ATG7: variants seen among roughly 807,000 people sequenced by gnomAD.
The protein encoded by ATG7 is autophagy related 7, also known as ubiquitin-like modifier-activating enzyme ATG7.
A neutral mutation model predicts 82.4 loss-of-function variants in ATG7; 70 were observed. The ratio of observed to expected loss-of-function variants is 0.85; its 90% CI spans 0.70 to 1.04. ATG7 has a LOEUF of 1.04. Among genes scored for constraint, ATG7 ranks in the 50% least tolerant of loss-of-function variants. The pLI, the probability that ATG7 is intolerant of heterozygous loss-of-function variation, is 0.00. For missense variants in ATG7, 792 were observed against 864.3 expected (o/e 0.92, Z 1.05); for synonymous variants, 287 against 313.0 (o/e 0.92, Z 0.88).
chr3:11,299,377 T>C lies in ATG7; in HGVS notation c.176T>C (p.Leu59Pro). 6.2e-7 allele frequency: 1 copy of C among 1,612,862 alleles called. No homozygotes were observed. Among genetic ancestry groups the C allele is most frequent in the Non-Finnish European group, 8.5e-7 (1 of 1,178,812 alleles). Residue 59 changes from leucine (L) to proline (P), a missense_variant, in exon 5 of 21, where the codon CTG becomes CCG. Physicochemically the swap from Leu to Pro is moderately conservative, Grantham distance 98 (BLOSUM62 -3). Coordinates refer to ENST00000693202, the MANE Select transcript of ATG7 (RefSeq NM_001349232.2). ...TTCTGTCCAGGTGACTCTGCTGGGCTGCCAGCTCGCTTAACATTGGAGTTC... is the reference window on the plus strand; with the variant it reads ...TTCTGTCCAGGTGACTCTGCTGGGCCGCCAGCTCGCTTAACATTGGAGTTC... ...GYYYNGDSAG[L>P]PARLTLEFSA...
intron 20 of ATG7, among the ~76,000 whole-genome samples, chr3:11,443,339 A>G (rs200277509): frequency 1.3e-5 from 2 of 152,138 alleles, no homozygotes; most frequent in Non-Finnish European, 1.5e-5. Context: ...GGGGCAAAGG[A>G]GATTATATAA....
At chr3:11,295,119 AAAAT>A (rs999600125) in intron 3 of ATG7, among the ~76,000 whole-genome samples, 2 of 152,190 alleles carry the variant, frequency 1.3e-5, no homozygotes, top group African/African-American at 2.4e-5. Context: ...CTCAGAGAAA[AAAAT>A]AAATAAATAT....
At chr3:11,472,376 T>C (rs1021380591) in intron 20 of ATG7, among the ~76,000 whole-genome samples, 4 of 152,258 alleles carry the variant, frequency 2.6e-5, no homozygotes, top group African/African-American at 9.6e-5. Flanking sequence ...TTGTTCCCAA[T>C]GGCACTAGCT....
intron 11 of ATG7, among the ~76,000 whole-genome samples, chr3:11,337,469 GCTCTCTCT>G (rs66816143): frequency 8.7e-5 from 13 of 149,530 alleles, no homozygotes; most frequent in African/African-American, 2.9e-4. Context: ...TGTCTTTCTA[GCTCTCTCT>G]CTCTCTCTCT....
Position 11,301,475 on chromosome 3 carries a change from C to T in ATG7, c.215+2059C>T, listed in dbSNP as rs543781418. The stretch of plus-strand genomic sequence containing the variant: ...TTTTTTTAATCTCAGAAAATCAATA[C>T]TTTTTTTCCCTTTATCTCAATCCAG... On this transcript the variant is annotated intron_variant, in intron 5 of 20. Transcript: ENST00000693202. Among the ~76,000 whole-genome samples, 3 of 152,166 alleles carry T rather than the reference C, an allele frequency of 2.0e-5. No individual in the cohort carries two copies. The East Asian group carries it at 5.8e-4, about 29-fold the overall frequency.
intron 19 of ATG7, among the ~76,000 whole-genome samples, chr3:11,381,831 C>T (rs1335576019): frequency 6.6e-6 from 1 of 152,196 alleles, no homozygotes; most frequent in Non-Finnish European, 1.5e-5. Flanking sequence ...CACGTATTTC[C>T]TTACAGTAGA....
chr3:11,297,559 A>G (rs2152688240), intron 3 of ATG7, among the ~76,000 whole-genome samples: 1 of 152,296 alleles, frequency 6.6e-6, no homozygotes, highest in South Asian at 2.1e-4. Flanking sequence ...AAGTTACAGT[A>G]TACGTATGCA....
chr3:11,550,995 A>C (rs1302619922), intron 20 of ATG7, among the ~76,000 whole-genome samples: 1 of 152,028 alleles, frequency 6.6e-6, no homozygotes, highest in Non-Finnish European at 1.5e-5. Context: ...TAAGGCATGG[A>C]ATCAATTTTA....
At chr3:11,354,136 A>AT (rs1297587484) in intron 14 of ATG7, among the ~76,000 whole-genome samples, 1 of 152,138 alleles carries the variant, frequency 6.6e-6, no homozygotes, top group Admixed American at 6.6e-5. Flanking sequence ...AAACCCTTGC[A>AT]TTTTATCTGC....
chr3:11,399,617 C>T (rs2079626924), intron 19 of ATG7, among the ~76,000 whole-genome samples: 1 of 152,002 alleles, frequency 6.6e-6, no homozygotes, highest in Non-Finnish European at 1.5e-5. Context: ...CTCTATCGCC[C>T]AGGCTAGAGT....
the ATG7 span, among the ~76,000 whole-genome samples, chr3:11,569,708 G>A: frequency 6.6e-6 from 1 of 152,166 alleles, no homozygotes; most frequent in African/African-American, 2.4e-5. Context: ...CGTTCACACA[G>A]TCTTAACACA....
At chr3:11,410,422 C>A (rs970285334) in intron 19 of ATG7, among the ~76,000 whole-genome samples, 1 of 151,980 alleles carries the variant, frequency 6.6e-6, no homozygotes, top group Non-Finnish European at 1.5e-5. Flanking sequence ...ATTTTTCTTT[C>A]AATTTTTTAT....
chr3:11,477,343 G>A (rs1026020725), intron 20 of ATG7: 22 of 1,119,364 alleles, frequency 2.0e-5, no homozygotes, highest in African/African-American at 1.6e-5. Context: ...CGATAAATAC[G>A]TTCAGTAATG....
At chr3:11,410,783 A>C (rs1176522997) in intron 19 of ATG7, among the ~76,000 whole-genome samples, 1 of 152,218 alleles carries the variant, frequency 6.6e-6, no homozygotes, top group African/African-American at 2.4e-5. Flanking sequence ...TGTAGCATAT[A>C]CTACATTTTG....
chr3:11,331,386 G>A lies in ATG7; in HGVS notation c.725G>A (p.Gly242Glu). The change falls in exon 10 of 21, where the codon GGA (glycine) becomes GAA (glutamate). Residue 242 changes from glycine (G) to glutamate (E), a missense_variant. Physicochemically the swap from Gly to Glu is moderately conservative, Grantham distance 98. Transcript: ENST00000693202. ...CCCTGTAACTTAGCCCAGTACCCTG[G>A]ATGGCCTTTGAGGAATTTTTTGGTC... is the stretch of plus-strand genomic sequence containing the variant. ...YDPCNLAQYP[G>E]WPLRNFLVLA... 12 of 1,613,842 alleles carry A rather than the reference G, an allele frequency of 7.4e-6. No individual in the cohort carries two copies. The highest frequency in any genetic ancestry group is 1.0e-5 in the Non-Finnish European group (12 of 1,179,750).
intron 9 of ATG7, among the ~76,000 whole-genome samples, chr3:11,316,261 G>A (rs1305614593): frequency 6.6e-6 from 1 of 152,030 alleles, no homozygotes; most frequent in Admixed American, 6.6e-5. Flanking sequence ...CTTCCTTCTG[G>A]CTCCAAGCTG....
chr3:11,488,517 G>A (rs868324382), intron 20 of ATG7: 191 of 1,200,966 alleles, frequency 1.6e-4, no homozygotes, highest in South Asian at 1.5e-3. Context: ...CGACTGTCCC[G>A]GCTCCGCACT....
At chr3:11,537,450 ACATAT>A (rs1462078708) in intron 20 of ATG7, among the ~76,000 whole-genome samples, 1 of 152,198 alleles carries the variant, frequency 6.6e-6, no homozygotes, top group East Asian at 1.9e-4. Flanking sequence ...CGAGAGCCAA[ACATAT>A]CATAGCACAT....
intron 20 of ATG7, among the ~76,000 whole-genome samples, chr3:11,438,168 C>T (rs942861621): frequency 6.6e-6 from 1 of 152,130 alleles, no homozygotes; most frequent in African/African-American, 2.4e-5. Context: ...CTCCAGCAGG[C>T]CTCTTCTAGG....
Sources: allele counts gnomAD v4.1 joint callset (sites outside exome capture counted in the v4.1 genomes callset), GRCh38; gene constraint gnomAD v4.1.1; transcripts MANE v1.5; gene names NCBI Gene and HGNC (gene_info 2026-07-23, HGNC 2026-07-21).